The following ZNF790 variants were observed in gnomAD, a reference collection of about 807,000 sequenced individuals.
ZNF790 encodes zinc finger protein 790.
ZNF790 carries 8 observed loss-of-function variants against 12.1 expected under a neutral mutation model. The observed-to-expected ratio is 0.66, with a 90% CI of 0.39 to 1.19. The LOEUF (loss-of-function observed/expected upper bound fraction) is 1.19. ZNF790 is among the 50% of genes most tolerant of loss of function. ZNF790 has a pLI of 0.01. For missense variants in ZNF790, 707 were observed against 752.2 expected (o/e 0.94, Z 0.70); for synonymous variants, 252 against 244.3 (o/e 1.03, Z -0.29).
intron 4 of ZNF790, among the ~76,000 whole-genome samples, chr19:36,822,852 T>C (rs2071704920): frequency 6.6e-6 from 1 of 151,910 alleles, no homozygotes; most frequent in Non-Finnish European, 1.5e-5. Context: ...TTTTTGTTTT[T>C]GTTTTTGTTT....
intron 1 of ZNF790, among the ~76,000 whole-genome samples, chr19:36,844,311 AAAAAC>A (rs2072156858): frequency 6.6e-6 from 1 of 150,938 alleles, no homozygotes; most frequent in Non-Finnish European, 1.5e-5. Flanking sequence ...ACCCTGTCTC[AAAAAC>A]AAAACAAAAC....
rs764861662 is a variant in ZNF790 at position 36,819,523 on chromosome 19, C to T, written c.821G>A (p.Arg274Gln). The T allele has an allele frequency of 5.1e-5, 83 of 1,612,732 alleles. No homozygotes were observed. Among genetic ancestry groups the T allele is most frequent in the Non-Finnish European group, 6.0e-5 (71 of 1,179,280 alleles). ...ATAAGATTTCTCACCAGTATGAATT[C>T]GCTTATGGACACTAAGTTGTGAATG... ...RFHSQLSVHK[R>Q]IHTGEKSYEC... The change falls in exon 5 of 5, where the codon CGA (arginine) becomes CAA (glutamine). Residue 274 changes from arginine to glutamine, a missense_variant. By Grantham distance (43) the Arg-to-Gln change is conservative (BLOSUM62 1). Transcript: ENST00000356725.
intron 1 of ZNF790, chr19:36,827,573 G>A (rs191613882): frequency 6.5e-6 from 1 of 153,208 alleles, no homozygotes; most frequent in East Asian, 1.9e-4. Flanking sequence ...CACACAACCT[G>A]TTCCAGGACT....
intron 4 of ZNF790, among the ~76,000 whole-genome samples, chr19:36,820,524 G>A (rs2071644569): frequency 6.6e-6 from 1 of 152,198 alleles, no homozygotes; most frequent in South Asian, 2.1e-4. Context: ...ATCTGATCCA[G>A]AGTTACCAAA....
rs1336146051 is a variant in ZNF790, at chr19:36,825,715, T to A, written c.-73-23A>T. The A allele has an allele frequency of 2.2e-6, 3 of 1,373,868 alleles. No homozygotes were observed. In the African/African-American group the frequency reaches 4.3e-5, roughly 20 times the overall value. 85.1% of individuals were successfully genotyped at this position (1,373,868 alleles called of 1,614,324 possible). ...GAGCTAGAAGGAAAGAATCACAAGGTCAGGCCTTTCTCAGAGCTCTCAAAG... is the reference window on the plus strand; with the variant it reads ...GAGCTAGAAGGAAAGAATCACAAGGACAGGCCTTTCTCAGAGCTCTCAAAG... On this transcript the variant is annotated intron_variant, in intron 1 of 4. Transcript: ENST00000356725.
At chr19:36,844,048 G>A (rs887933243) in intron 1 of ZNF790, among the ~76,000 whole-genome samples, 8 of 149,560 alleles carry the variant, frequency 5.3e-5, no homozygotes, top group African/African-American at 1.7e-4. Context: ...AGGCCGGGCA[G>A]GGTGACTGAT....
At chr19:36,821,012 A>G (rs1401604014) in intron 4 of ZNF790, among the ~76,000 whole-genome samples, 1 of 147,874 alleles carries the variant, frequency 6.8e-6, no homozygotes, top group Non-Finnish European at 1.5e-5. Flanking sequence ...CTCGTCATTT[A>G]GCATTAGGTG....
chr19:36,823,265 C>T lies in ZNF790; in HGVS notation c.229+20G>A, dbSNP rs374427863. 2.4e-4 allele frequency: 377 copies of T among 1,599,890 alleles called. 1 individual carries two copies. Among genetic ancestry groups the T allele is most frequent in the South Asian group, 1.2e-3 (106 of 90,680 alleles). On this transcript the variant is annotated intron_variant, in intron 4 of 4. Transcript: ENST00000356725. ...TATCCACAACAATGGCCTCCTTGTG[C>T]GTGTTCAGCCCTCACTCACCTGGGC...
chr19:36,821,597 A>G (rs1445684515), intron 4 of ZNF790, among the ~76,000 whole-genome samples: 3 of 151,870 alleles, frequency 2.0e-5, no homozygotes, highest in African/African-American at 4.8e-5. Context: ...TTATTTATTT[A>G]TTTTGAGATG....
At chr19:36,832,506 C>T (rs2071962347) in intron 1 of ZNF790, among the ~76,000 whole-genome samples, 1 of 152,132 alleles carries the variant, frequency 6.6e-6, no homozygotes, top group Non-Finnish European at 1.5e-5. Flanking sequence ...TTAAGAAACC[C>T]CATGGAGAGG....
rs550189555 is a variant in ZNF790, at chr19:36,844,302, C to T, written c.-74+5700G>A. On this transcript the variant is annotated intron_variant, in intron 1 of 4. Coordinates refer to the ZNF790 transcript ENST00000528994. ...CTCCAGCCTGAGCAATAAAGCAAGA[C>T]CCTGTCTCAAAAACAAAACAAAACA... Among the ~76,000 whole-genome samples the T allele has an allele frequency of 8.0e-5, 12 of 150,842 alleles. No homozygotes were observed. In the South Asian group the frequency reaches 2.5e-3, roughly 32 times the overall value.
rs746866084 is a variant in ZNF790, at chr19:36,820,001, AAC to A, written c.341_342del (p.Cys114PhefsTer4). 1.2e-6 allele frequency: 2 copies of A among 1,613,942 alleles called. No homozygotes were observed. The highest frequency in any genetic ancestry group is 4.5e-5 in the East Asian group (2 of 44,880). The part of the protein sequence containing the change: ...MRICKNHSLD[C>X]LCFRGDWEGN... ...CCTTCCCAGTCACCTCTAAAACATA[AAC>A]AGTCAAGGCTGTGGTTTTTACAAAT... is the stretch of plus-strand genomic sequence containing the variant. On this transcript the variant is annotated frameshift_variant, in exon 5 of 5. Transcript: ENST00000356725. LOFTEE classifies it low-confidence loss of function (END_TRUNC).
chr19:36,848,486 C>T (rs1440695577), intron 1 of ZNF790, among the ~76,000 whole-genome samples: 1 of 152,092 alleles, frequency 6.6e-6, no homozygotes, highest in Non-Finnish European at 1.5e-5. Flanking sequence ...ATGTGATTGC[C>T]TCACTCAACC....
chr19:36,823,751 C>G lies in ZNF790; in HGVS notation c.49G>C (p.Glu17Gln). The part of the protein sequence containing the change: ...FRDVAVDFSQ[E>Q]EWECLDLEQR... ...TCCAGGTCCAGGCACTCCCACTCCT[C>G]CTGAGAGAAATCTACAGCCACATCC... The change falls in exon 3 of 5, where the codon GAG becomes CAG. Residue 17 changes from glutamate (E) to glutamine (Q), a missense_variant. Coordinates refer to ENST00000356725, the MANE Select transcript of ZNF790 (RefSeq NM_206894.4). 1.2e-6 allele frequency: 2 copies of G among 1,613,054 alleles called. No individual in the cohort carries two copies. Among genetic ancestry groups the G allele is most frequent in the Non-Finnish European group, 1.7e-6 (2 of 1,179,662 alleles).
At chr19:36,848,846 T>G (rs183606476) in intron 1 of ZNF790, among the ~76,000 whole-genome samples, 1 of 152,078 alleles carries the variant, frequency 6.6e-6, no homozygotes, top group African/African-American at 2.4e-5. Context: ...CAGGCTGGAG[T>G]GCAGTGGTGC....
chr19:36,827,132 A>ACACG (rs2071830108), intron 1 of ZNF790, among the ~76,000 whole-genome samples: 1 of 75,132 alleles, frequency 1.3e-5, no homozygotes, highest in African/African-American at 6.2e-5. Flanking sequence ...ACACACACAC[A>ACACG]CACACACACA....
Position 36,818,976 on chromosome 19 carries a change from T to C in ZNF790, c.1368A>G (p.Gly456=), listed in dbSNP as rs1371834846. The C allele has an allele frequency of 2.5e-6, 4 of 1,613,596 alleles. No individual in the cohort carries two copies. The highest frequency in any genetic ancestry group is 3.4e-6 in the Non-Finnish European group (4 of 1,179,806). ...ACTCTGAGCCATGAAGAAAGGTCTT[T>C]CCACATTCCTTACATTCATAGGATT... ...ERKSYECKEC[G]KTFLHGSEFN... Residue 456 remains glycine, a synonymous_variant, in exon 5 of 5, where the codon GGA becomes GGG. Transcript: ENST00000356725.
In ZNF790 at chr19:36,819,443, G is replaced by T; in HGVS notation, c.901C>A (p.Gln301Lys). Residue 301 changes from glutamine to lysine, a missense_variant, in exon 5 of 5, where the codon CAG (glutamine) becomes AAG (lysine). By Grantham distance (53) the Gln-to-Lys change is moderately conservative. Transcript: ENST00000356725. ...FSCGSDLTRH[Q>K]RIHTGEKPYE... ...GGTTTTTCACCAGTATGAATTCTCT[G>T]ATGTCGAGTAAGATCTGAGCCACAA... 4 of 1,609,756 alleles carry T rather than the reference G, an allele frequency of 2.5e-6. No individual in the cohort carries two copies. The highest frequency in any genetic ancestry group is 3.4e-6 in the Non-Finnish European group (4 of 1,177,670).
intron 2 of ZNF790, 54 bp from the exon 3 acceptor site, chr19:36,823,844 T>C: frequency 2.0e-6 from 3 of 1,524,660 alleles, no homozygotes; most frequent in Non-Finnish European, 2.7e-6. Flanking sequence ...AAAATAATTA[T>C]AATCCCTATA....
Sources: gnomAD v4.1 joint callset for allele counts (sites outside exome capture counted in the v4.1 genomes callset) on GRCh38, gnomAD v4.1.1 for gene constraint, MANE v1.5 for transcripts, NCBI Gene and HGNC (gene_info 2026-07-23, HGNC 2026-07-21) for gene names.